The following PIGR variants were observed in gnomAD, a reference collection of about 807,000 sequenced individuals.
The protein encoded by PIGR is polymeric immunoglobulin receptor, also known as hepatocellular carcinoma associated protein TB6.
In PIGR, 22 loss-of-function variants were observed where a neutral mutation model predicts 69.5. The ratio of observed to expected loss-of-function variants is 0.32; its 90% CI spans 0.23 to 0.45. The LOEUF (loss-of-function observed/expected upper bound fraction) is 0.45. Among genes scored for constraint, PIGR ranks in the 20% least tolerant of loss-of-function variants. The pLI is 1.00. For synonymous variants in PIGR, 413 were observed against 407.6 expected, an observed-to-expected ratio of 1.01 and a Z score of -0.16; for missense variants, 885 against 974.0, an observed-to-expected ratio of 0.91 and a Z score of 1.22.
Position 206,935,697 on chromosome 1 carries a change from C to T in PIGR, c.1167G>A (p.Gly389=), listed in dbSNP as rs755646946. The T allele has an allele frequency of 2.5e-6, 4 of 1,614,024 alleles. No homozygotes were observed. Among genetic ancestry groups the T allele is most frequent in the Non-Finnish European group, 3.4e-6 (4 of 1,179,996 alleles). ...GCAGGGGGCAGCGGCCATTCTGGGCCCCTTCCCAGAGACACCAGTACTTGA... is the reference window on the plus strand; with the variant it reads ...GCAGGGGGCAGCGGCCATTCTGGGCTCCTTCCCAGAGACACCAGTACTTGA... ...KSIKYWCLWE[G]AQNGRCPLLV... The change falls in exon 5 of 11, where the codon GGG becomes GGA. Residue 389 remains glycine, a synonymous_variant. Transcript: ENST00000356495. The surrounding 1 kb of genome is among the most constrained non-coding windows in gnomAD (Gnocchi z 4.4).
At position 206,935,894 on chromosome 1, in the gene PIGR, C is replaced by T. The variant is rs41275378; in HGVS notation, c.1046-76G>A. On this transcript the variant is annotated intron_variant, in intron 4 of 10. Transcript: ENST00000356495. The surrounding 1 kb of genome is among the most constrained non-coding windows in gnomAD (Gnocchi z 4.4). ...CTTGCGTGGCCTGAGAAGCCTTCTT[C>T]CCGGGGTCTCAGCCAGGATGGGGAG... The T allele has an allele frequency of 0.011, 12,717 of 1,121,254 alleles. 107 individuals are homozygous for T. Among genetic ancestry groups the T allele is most frequent in the Middle Eastern group, 0.013 (46 of 3,478 alleles). 69.5% of individuals were successfully genotyped at this position (1,121,254 alleles called of 1,614,324 possible).
Position 206,939,912 on chromosome 1 carries a change from G to T in PIGR, c.44-449C>A, listed in dbSNP as rs542616057. ...TTGGTTTCTATTTAGTAGAGACAAG[G>T]TTTCTCCATGTTGGCCAGGCTGGTC... On this transcript the variant is annotated intron_variant, in intron 2 of 10. Coordinates refer to ENST00000356495, the MANE Select transcript of PIGR (RefSeq NM_002644.4). Among the ~76,000 whole-genome samples, 4 of 152,226 alleles carry T rather than the reference G, an allele frequency of 2.6e-5. No homozygotes were observed. The East Asian group carries it at 5.8e-4, about 22-fold the overall frequency.
At position 206,935,463 on chromosome 1, in the gene PIGR, T is replaced by A; in HGVS notation, c.1378+23A>T. On this transcript the variant is annotated intron_variant, in intron 5 of 10. Coordinates refer to ENST00000356495, the MANE Select transcript of PIGR (RefSeq NM_002644.4). This position sits in a 1 kb window ranked among gnomAD's most constrained non-coding sequence, Gnocchi z 4.4. ...GCTGGCTGGAGAGGTTTTAGAGCTT[T>A]CTCCCTCCCTGTCAACTCCTACCTT... 2 of 1,583,112 alleles carry A rather than the reference T, an allele frequency of 1.3e-6. No homozygotes were observed. The highest frequency in any genetic ancestry group is 2.2e-5 in the South Asian group (2 of 89,154).
intron 6 of PIGR, among the ~76,000 whole-genome samples, chr1:206,933,768 G>T (rs1168858571): frequency 1.3e-5 from 2 of 152,128 alleles, no homozygotes; most frequent in African/African-American, 4.8e-5. Flanking sequence ...TGAACATATT[G>T]CATATGACAG....
chr1:206,939,064 C>G, intron 3 of PIGR, 55 bp downstream of exon 3: 2 of 1,466,336 alleles, frequency 1.4e-6, no homozygotes, highest in South Asian at 2.5e-5. Flanking sequence ...CTCCATGCAC[C>G]TTAGAGAATT....
chr1:206,937,055 G>A (rs761122406), intron 4 of PIGR, 40 bp downstream of exon 4: 2 of 1,513,772 alleles, frequency 1.3e-6, no homozygotes, highest in East Asian at 4.5e-5. Context: ...TCACCTGCGA[G>A]ACTGCCCCAC....
At position 206,933,135 on chromosome 1, in the gene PIGR, G is replaced by C; in HGVS notation, c.1737C>G (p.Asp579Glu). 6.2e-7 allele frequency: 1 copy of C among 1,614,150 alleles called. No individual in the cohort carries two copies. ...CTAGCACCTTCTCATCAGGAGCAGCGTCTGCCTTCGCTAGGCTGACATCGC... is the reference window on the plus strand; with the variant it reads ...CTAGCACCTTCTCATCAGGAGCAGCCTCTGCCTTCGCTAGGCTGACATCGC... ...GSRDVSLAKA[D>E]AAPDEKVLDS... is the part of the protein sequence containing the mutation. Residue 579 changes from aspartate to glutamate, a missense_variant, in exon 7 of 11, where the codon GAC becomes GAG. Asp to Glu is a conservative substitution (Grantham distance 45). Transcript: ENST00000356495.
chr1:206,941,244 T>A (rs999886161), intron 1 of PIGR, among the ~76,000 whole-genome samples: 39 of 152,036 alleles, frequency 2.6e-4, no homozygotes, highest in Non-Finnish European at 1.6e-4. Flanking sequence ...AGTACTTTCC[T>A]CAAGGGCACA....
intron 6 of PIGR, among the ~76,000 whole-genome samples, chr1:206,933,634 G>GA (rs1679805924): frequency 6.6e-6 from 1 of 152,184 alleles, no homozygotes; most frequent in South Asian, 2.1e-4. Context: ...CATTTCATGT[G>GA]AAATTTTAAA....
At position 206,930,578 on chromosome 1, in the gene PIGR, C is replaced by T. The variant is rs1032178153; in HGVS notation, c.2200-165G>A. 1.3e-4 allele frequency: 128 copies of T among 985,220 alleles called. No homozygotes were observed. The highest frequency in any genetic ancestry group is 4.9e-4 in the Admixed American group (8 of 16,258). 61.0% of individuals were successfully genotyped at this position (985,220 alleles called of 1,614,324 possible). On this transcript the variant is annotated intron_variant, in intron 10 of 10. Transcript: ENST00000356495. The surrounding 1 kb of genome is among the most constrained non-coding windows in gnomAD (Gnocchi z 4.3). ...CAGCCCCCATGCTCACCAAGAAGGA[C>T]GCATTTTGAGAAATGGAAAGTTGCA...
At chr1:206,939,729 A>G (rs564105277) in intron 2 of PIGR, among the ~76,000 whole-genome samples, 5 of 152,182 alleles carry the variant, frequency 3.3e-5, no homozygotes, top group Non-Finnish European at 7.4e-5. Flanking sequence ...TTTATTTTAT[A>G]TATTTTTATT....
In PIGR at chr1:206,935,641, T is replaced by C. The variant is rs747987327; in HGVS notation, c.1223A>G (p.Gln408Arg). The part of the protein sequence containing the change: ...LVDSEGWVKA[Q>R]YEGRLSLLEE... ...CAGCAGGGAGAGGCGGCCCTCGTACTGGGCCTTAACCCACCCCTCGCTGTC... is the reference window on the plus strand; with the variant it reads ...CAGCAGGGAGAGGCGGCCCTCGTACCGGGCCTTAACCCACCCCTCGCTGTC... Residue 408 changes from glutamine (Q) to arginine (R), a missense_variant, in exon 5 of 11, where the codon CAG becomes CGG. Coordinates refer to ENST00000356495, the MANE Select transcript of PIGR (RefSeq NM_002644.4). This position sits in a 1 kb window ranked among gnomAD's most constrained non-coding sequence, Gnocchi z 4.4. 4 of 1,614,012 alleles carry C rather than the reference T, an allele frequency of 2.5e-6. No homozygotes were observed. Among genetic ancestry groups the C allele is most frequent in the Non-Finnish European group, 3.4e-6 (4 of 1,179,946 alleles).
At chr1:206,934,378 C>T in intron 6 of PIGR, 42 bp downstream of exon 6, 1 of 1,546,506 alleles carries the variant, frequency 6.5e-7, no homozygotes, top group Non-Finnish European at 8.8e-7. Flanking sequence ...GAAGTCCTGC[C>T]TCTGGGTCTG....
chr1:206,930,486 C>CTTAACA lies in PIGR; in HGVS notation c.2200-74_2200-73insTGTTAA, dbSNP rs1679716411. On this transcript the variant is annotated intron_variant, in intron 10 of 10. Transcript: ENST00000356495. This position sits in a 1 kb window ranked among gnomAD's most constrained non-coding sequence, Gnocchi z 4.3. ...GGGTGGAGTCAGGGGAGGGGAGGTG[C>CTTAACA]TTAATGTCCTGAATTCGTGATCTTG... is the stretch of plus-strand genomic sequence containing the variant. 1 of 1,516,310 alleles carries CTTAACA rather than the reference C, an allele frequency of 6.6e-7. No individual in the cohort carries two copies. The highest frequency in any genetic ancestry group is 8.8e-7 in the Non-Finnish European group (1 of 1,131,702). 93.9% of individuals were successfully genotyped at this position (1,516,310 alleles called of 1,614,324 possible). A position where few individuals can be genotyped will look rare whatever the true frequency, so the allele number is the denominator to read the frequency against.
rs1679704881 is a variant in PIGR at position 206,930,174 on chromosome 1, G to A, written c.*144C>T. On this transcript the variant is annotated 3_prime_UTR_variant, in exon 11 of 11. Transcript: ENST00000356495. The surrounding 1 kb of genome is among the most constrained non-coding windows in gnomAD (Gnocchi z 4.3). ...CCAGGCTTTGATGTCACTGAGGAGG[G>A]GACCAGCACGCCTCTGAGGACAGTA... The A allele has an allele frequency of 1.8e-6, 1 of 568,786 alleles. No individual in the cohort carries two copies. Among genetic ancestry groups the A allele is most frequent in the Non-Finnish European group, 2.9e-6 (1 of 340,590 alleles). The allele number at this position is 568,786 out of a possible 1,614,324, so 35.2% of individuals were successfully genotyped here.
intron 8 of PIGR, 113 bp downstream of exon 8, chr1:206,932,343 T>G: frequency 7.8e-7 from 1 of 1,276,534 alleles, no homozygotes; most frequent in Non-Finnish European, 1.1e-6. Flanking sequence ...CTCGGGATCC[T>G]TTGTTTTAGC....
intron 2 of PIGR, among the ~76,000 whole-genome samples, 155 bp downstream of exon 2, chr1:206,940,334 T>A (rs291091): frequency 3.9e-5 from 6 of 151,988 alleles, no homozygotes; most frequent in African/African-American, 1.4e-4. Context: ...GGCCTTTCAG[T>A]GTCTTCTCTG....
chr1:206,930,351 G>A lies in PIGR; in HGVS notation c.2262C>T (p.Ala754=), dbSNP rs770934293. 51 of 1,611,770 alleles carry A rather than the reference G, an allele frequency of 3.2e-5. No individual in the cohort carries two copies. The highest frequency in any genetic ancestry group is 4.4e-5 in the South Asian group (4 of 90,766). ...CCTGGGGGCCGTCCTGGGCCTCGGC[G>A]GCCACGGTGCTGGACTGGAGCAGGA... ...KDFLLQSSTV[A]AEAQDGPQEA The change falls in exon 11 of 11, where the codon GCC becomes GCT. Residue 754 remains alanine, a synonymous_variant. Transcript: ENST00000356495. This position sits in a 1 kb window ranked among gnomAD's most constrained non-coding sequence, Gnocchi z 4.3.
Position 206,933,176 on chromosome 1 carries a change from G to T in PIGR, c.1706-10C>A. The T allele has an allele frequency of 1.9e-6, 3 of 1,613,438 alleles. No homozygotes were observed. Among genetic ancestry groups the T allele is most frequent in the Non-Finnish European group, 2.5e-6 (3 of 1,179,614 alleles). ...CTGACATCGCGGGACCCTGCAGCAG[G>T]GAAGAGTGGGCCTGGGTTGTGATTT... On this transcript the variant is annotated splice_polypyrimidine_tract_variant and intron_variant, in intron 6 of 10. Transcript: ENST00000356495.
Sources: allele counts gnomAD v4.1 joint callset (sites outside exome capture counted in the v4.1 genomes callset), GRCh38; gene constraint gnomAD v4.1.1; non-coding constraint Gnocchi (gnomAD v3.1); transcripts MANE v1.5; gene names NCBI Gene and HGNC (gene_info 2026-07-23, HGNC 2026-07-21).